The following PINX1 variants were observed in gnomAD, a reference collection of about 807,000 sequenced individuals.
PINX1 encodes the protein PIN2 (TERF1) interacting telomerase inhibitor 1.
PINX1 carries 34 observed loss-of-function variants against 25.4 expected under a neutral mutation model. The ratio of observed to expected loss-of-function variants is 1.34; its 90% CI spans 1.02 to 1.78. The LOEUF (loss-of-function observed/expected upper bound fraction) is 1.78. Ranked by LOEUF, PINX1 falls within the 40% of genes most tolerant of loss-of-function variation. The probability of loss-of-function intolerance (pLI) is 0.00; values close to 1 mark genes in which losing one functional copy is unlikely to be tolerated. For missense variants in PINX1, 592 were observed against 404.9 expected, an observed-to-expected ratio of 1.46 and a Z score of -3.97; for synonymous variants, 197 against 147.7, an observed-to-expected ratio of 1.33 and a Z score of -2.42.
intron 6 of PINX1, among the ~76,000 whole-genome samples, chr8:10,796,314 G>A (rs1307445958): frequency 6.6e-6 from 1 of 152,098 alleles, no homozygotes; most frequent in Non-Finnish European, 1.5e-5. Context: ...GATCCCCGGG[G>A]GGAAATGGAC....
In PINX1 at chr8:10,800,763, C is replaced by A. The variant is rs765249094; in HGVS notation, c.471+19430G>T. Among the ~76,000 whole-genome samples, 3 of 152,214 alleles carry A rather than the reference C, an allele frequency of 2.0e-5. No individual in the cohort carries two copies. In the East Asian group the frequency reaches 5.8e-4, roughly 29 times the overall value. On this transcript the variant is annotated intron_variant, in intron 6 of 6. Transcript: ENST00000314787. The stretch of plus-strand genomic sequence containing the variant: ...GGGATTACCGGCCTAAGTCACTACG[C>A]CCGGCCAAGAATAAAGTAAAATTTC...
intron 6 of PINX1, chr8:10,771,493 G>C (rs1320177061): frequency 3.9e-5 from 6 of 152,170 alleles, no homozygotes; most frequent in African/African-American, 1.4e-4. Flanking sequence ...TGTTTAATTT[G>C]CTTTGCTAGC....
Position 10,839,865 on chromosome 8 carries a change from C to A in PINX1, c.-109G>T. 1 of 1,085,638 alleles carries A rather than the reference C, an allele frequency of 9.2e-7. No individual in the cohort carries two copies. Among genetic ancestry groups the A allele is most frequent in the Admixed American group, 2.6e-5 (1 of 38,626 alleles). The allele number at this position is 1,085,638 out of a possible 1,614,324, so 67.3% of individuals were successfully genotyped here. A position where few individuals can be genotyped will look rare whatever the true frequency, so the allele number is the denominator to read the frequency against. Reference sequence around the variant, plus strand: ...CGTGCGTAACTCCCTCGCCGGCGGACTGCAGCGGACGGGGCGCGTGCTGGT... The same window carrying A: ...CGTGCGTAACTCCCTCGCCGGCGGAATGCAGCGGACGGGGCGCGTGCTGGT... On this transcript the variant is annotated 5_prime_UTR_variant, in exon 1 of 7. Coordinates refer to ENST00000314787, the MANE Select transcript of PINX1 (RefSeq NM_017884.6).
At chr8:10,838,074 G>A (rs1367192621) in intron 1 of PINX1, among the ~76,000 whole-genome samples, 1 of 152,220 alleles carries the variant, frequency 6.6e-6, no homozygotes, top group Non-Finnish European at 1.5e-5. Context: ...AGTTGTCGCT[G>A]TACCTCACTT....
At position 10,766,319 on chromosome 8, in the gene PINX1, G is replaced by A. The variant is rs1012824870; in HGVS notation, c.472-403C>T. Among the ~76,000 whole-genome samples the A allele has an allele frequency of 2.6e-5, 4 of 152,358 alleles. No homozygotes were observed. The East Asian group carries it at 7.7e-4, about 29-fold the overall frequency. On this transcript the variant is annotated intron_variant, in intron 6 of 6. Coordinates refer to ENST00000314787, the MANE Select transcript of PINX1 (RefSeq NM_017884.6). ...AGGGACACTGGTGTTCCAGAGCTTGGTGATTTTGTTAGACACCGATTTCAT... is the reference window on the plus strand; with the variant it reads ...AGGGACACTGGTGTTCCAGAGCTTGATGATTTTGTTAGACACCGATTTCAT...
At chr8:10,829,196 G>A (rs542438656) in intron 4 of PINX1, among the ~76,000 whole-genome samples, 1 of 148,792 alleles carries the variant, frequency 6.7e-6, no homozygotes, top group Non-Finnish European at 1.5e-5. Flanking sequence ...TGAGGCAGGA[G>A]AATCGCTTGA....
chr8:10,769,860 C>T (rs1352794188), intron 6 of PINX1, among the ~76,000 whole-genome samples: 2 of 152,176 alleles, frequency 1.3e-5, no homozygotes, highest in Non-Finnish European at 2.9e-5. Flanking sequence ...CCTCTCTCTT[C>T]AGAAGCCACC....
chr8:10,809,523 G>A (rs946529797), intron 6 of PINX1, among the ~76,000 whole-genome samples: 1 of 152,190 alleles, frequency 6.6e-6, no homozygotes, highest in South Asian at 2.1e-4. Flanking sequence ...AAGAGGCTGT[G>A]AGTAACCCAT....
At position 10,826,253 on chromosome 8, in the gene PINX1, A is replaced by T; in HGVS notation, c.302-9T>A. ...CTTCTTGTCCGAGGAATCTTTAAAAAAGATGAAAAAAATACATTAAAGTCT... is the reference window on the plus strand; with the variant it reads ...CTTCTTGTCCGAGGAATCTTTAAAATAGATGAAAAAAATACATTAAAGTCT... On this transcript the variant is annotated splice_polypyrimidine_tract_variant and intron_variant, in intron 4 of 6. Coordinates refer to ENST00000314787, the MANE Select transcript of PINX1 (RefSeq NM_017884.6). 1 of 1,449,440 alleles carries T rather than the reference A, an allele frequency of 6.9e-7. No homozygotes were observed. Among genetic ancestry groups the T allele is most frequent in the Non-Finnish European group, 9.6e-7 (1 of 1,044,688 alleles). 89.8% of individuals were successfully genotyped at this position (1,449,440 alleles called of 1,614,324 possible).
At chr8:10,787,629 G>C (rs1400701594) in intron 6 of PINX1, 1 of 323,022 alleles carries the variant, frequency 3.1e-6, no homozygotes, top group South Asian at 2.7e-5. Flanking sequence ...TTTACCTTTT[G>C]GTAAAAAGCC....
intron 1 of PINX1, among the ~76,000 whole-genome samples, chr8:10,837,097 C>T (rs1249769457): frequency 6.6e-6 from 1 of 152,230 alleles, no homozygotes; most frequent in Non-Finnish European, 1.5e-5. Context: ...TCCCACCATT[C>T]GCAGAACTGG....
intron 6 of PINX1, 86 bp downstream of exon 6, chr8:10,820,107 C>G (rs966322699): frequency 3.6e-6 from 3 of 841,476 alleles, no homozygotes; most frequent in Non-Finnish European, 6.1e-6. Context: ...CAGAAAAGTA[C>G]TAGTCATAGA....
At chr8:10,770,737 A>G (rs1288030871) in intron 6 of PINX1, among the ~76,000 whole-genome samples, 2 of 152,232 alleles carry the variant, frequency 1.3e-5, no homozygotes, top group African/African-American at 4.8e-5. Context: ...TGCCAGAAGC[A>G]GATGCACCTT....
chr8:10,776,263 T>G (rs779040014), intron 6 of PINX1, among the ~76,000 whole-genome samples: 1 of 151,806 alleles, frequency 6.6e-6, no homozygotes, highest in African/African-American at 2.4e-5. Flanking sequence ...GCATCTCTAC[T>G]AAAAATACAA....
At chr8:10,792,580 G>A (rs1801958646) in intron 6 of PINX1, among the ~76,000 whole-genome samples, 3 of 152,074 alleles carry the variant, frequency 2.0e-5, no homozygotes, top group Non-Finnish European at 4.4e-5. Context: ...ATGAAGTAAA[G>A]CAGTTTACAA....
intron 6 of PINX1, among the ~76,000 whole-genome samples, chr8:10,806,611 T>G (rs879639049): frequency 6.6e-6 from 1 of 152,210 alleles, no homozygotes; most frequent in African/African-American, 2.4e-5. Flanking sequence ...CAATAACGAT[T>G]TGCTGAATAC....
rs771471258 is a variant in PINX1 at position 10,766,254 on chromosome 8, T to C, written c.472-338A>G. ...GAGTAAATGTCTCCCTAGAAACAAG[T>C]GTTGTGGTGACTAAGCTCCCAGAAT... On this transcript the variant is annotated intron_variant, in intron 6 of 6. Transcript: ENST00000314787. Among the ~76,000 whole-genome samples the C allele has an allele frequency of 3.3e-5, 5 of 152,064 alleles. No individual in the cohort carries two copies. The South Asian group carries it at 8.3e-4, about 25-fold the overall frequency.
At chr8:10,829,232 G>A (rs1798149185) in intron 4 of PINX1, among the ~76,000 whole-genome samples, 1 of 139,474 alleles carries the variant, frequency 7.2e-6, no homozygotes, top group Non-Finnish European at 1.5e-5. Flanking sequence ...GTTGCGGTAA[G>A]CCAAGATTGT....
rs141859955 is a variant in PINX1 at position 10,826,911 on chromosome 8, C to A, written c.302-667G>T. ...TGTGCCGTGGTGGCCAATCCTGTAT[C>A]TTCACCATTGTGGTTGCTGCATGAA... On this transcript the variant is annotated intron_variant, in intron 4 of 6. Coordinates refer to ENST00000314787, the MANE Select transcript of PINX1 (RefSeq NM_017884.6). 1.1e-4 allele frequency among the ~76,000 whole-genome samples: 16 copies of A among 152,356 alleles called. No homozygotes were observed. The East Asian group carries it at 1.9e-3, about 18-fold the overall frequency.
Sources: gnomAD v4.1 joint callset for allele counts (sites outside exome capture counted in the v4.1 genomes callset) on GRCh38, gnomAD v4.1.1 for gene constraint, MANE v1.5 for transcripts, NCBI Gene and HGNC (gene_info 2026-07-23, HGNC 2026-07-21) for gene names.